The following SPACA7 variants were observed in gnomAD, a reference collection of about 807,000 sequenced individuals.
SPACA7 encodes sperm acrosome associated 7.
Under a neutral mutation model 26.3 loss-of-function variants are expected in SPACA7, and 19 were observed. The ratio of observed to expected loss-of-function variants is 0.72; its 90% CI spans 0.50 to 1.06. The LOEUF is 1.06. Among genes scored for constraint, SPACA7 ranks in the 50% least tolerant of loss-of-function variants. The probability of loss-of-function intolerance (pLI) is 0.00; values close to 1 mark genes in which losing one functional copy is unlikely to be tolerated. For synonymous variants in SPACA7, 84 were observed against 84.5 expected (o/e 0.99, Z 0.04); for missense variants, 211 against 229.9 (o/e 0.92, Z 0.53).
intron 1 of SPACA7, among the ~76,000 whole-genome samples, chr13:112,378,248 A>T (rs1013535780): frequency 1.3e-5 from 2 of 152,238 alleles, no homozygotes; most frequent in African/African-American, 4.8e-5. Context: ...TTACAGGTAG[A>T]TAACAAAGTA....
Position 112,398,035 on chromosome 13 carries a change from G to T in SPACA7, c.152-14G>T, listed in dbSNP as rs929729596. On this transcript the variant is annotated splice_polypyrimidine_tract_variant and intron_variant, in intron 2 of 6. Coordinates refer to ENST00000283550, the MANE Select transcript of SPACA7 (RefSeq NM_145248.5). Reference sequence around the variant, plus strand: ...AGGGCCGACTCTAACGTGATCTTGTGTGCTTCTCCCAAGATGAAATTCTGG... The same window carrying T: ...AGGGCCGACTCTAACGTGATCTTGTTTGCTTCTCCCAAGATGAAATTCTGG... The T allele has an allele frequency of 2.5e-6, 4 of 1,598,804 alleles. No individual in the cohort carries two copies. In the African/African-American group the frequency reaches 4.0e-5, roughly 16 times the overall value.
intron 5 of SPACA7, among the ~76,000 whole-genome samples, chr13:112,412,286 T>C (rs1886400607): frequency 6.6e-6 from 1 of 151,734 alleles, no homozygotes; most frequent in South Asian, 2.1e-4. Flanking sequence ...TAAATTAGTT[T>C]TTTTGTTTTT....
chr13:112,415,292 G>A (rs1886621236), intron 5 of SPACA7, among the ~76,000 whole-genome samples: 1 of 152,206 alleles, frequency 6.6e-6, no homozygotes, highest in Non-Finnish European at 1.5e-5. Flanking sequence ...CAGCTGCCCA[G>A]ACAAGCACAG....
At chr13:112,380,405 C>CA (rs5806946) in intron 1 of SPACA7, among the ~76,000 whole-genome samples, 6,112 of 73,592 alleles carry the variant, frequency 0.083, 639 homozygotes, top group African/African-American at 0.25. Flanking sequence ...AACTCAGTCT[C>CA]AAAAAAAAAA....
In SPACA7 at chr13:112,432,499, T is replaced by C; in HGVS notation, c.501T>C (p.Leu167=). 2 of 1,609,852 alleles carry C rather than the reference T, an allele frequency of 1.2e-6. No individual in the cohort carries two copies. The highest frequency in any genetic ancestry group is 1.7e-6 in the Non-Finnish European group (2 of 1,176,064). Residue 167 remains leucine, a synonymous_variant, in exon 6 of 7, where the codon CTT becomes CTC. Coordinates refer to ENST00000283550, the MANE Select transcript of SPACA7 (RefSeq NM_145248.5). ...YENLSILDQI[L]QNIGRSSGNI... ...ATCTATCCATTCTGGACCAAATCCT[T>C]CAAAATATTGGAAGATCTTCAGGTA...
At chr13:112,410,372 A>T (rs9577361) in intron 5 of SPACA7, among the ~76,000 whole-genome samples, 14,732 of 151,520 alleles carry the variant, frequency 0.097, 1,241 homozygotes, top group East Asian at 0.28. Context: ...CAATTAAAAA[A>T]ATATATATAT....
At chr13:112,401,250 C>A in intron 5 of SPACA7, 86 bp downstream of exon 5, 1 of 1,010,602 alleles carries the variant, frequency 9.9e-7, no homozygotes, top group Non-Finnish European at 1.5e-6. Flanking sequence ...CCAGCCTCGC[C>A]AGTATGCCTT....
At chr13:112,425,100 A>G (rs527669206) in intron 5 of SPACA7, among the ~76,000 whole-genome samples, 2 of 152,330 alleles carry the variant, frequency 1.3e-5, no homozygotes, top group African/African-American at 2.4e-5. Flanking sequence ...ACAAAGTCCT[A>G]GTGACCTTAC....
At chr13:112,382,347 C>G (rs1424160160) in intron 1 of SPACA7, 1 of 1,429,152 alleles carries the variant, frequency 7.0e-7, no homozygotes, top group Non-Finnish European at 9.3e-7. Flanking sequence ...GTCCGCCCGC[C>G]TCAGCCTCCC....
intron 5 of SPACA7, among the ~76,000 whole-genome samples, chr13:112,418,474 AAT>A (rs975547663): frequency 2.0e-5 from 3 of 152,242 alleles, no homozygotes; most frequent in Non-Finnish European, 4.4e-5. Flanking sequence ...GGAAAATGGA[AAT>A]ATGTCTGTGT....
At chr13:112,406,073 T>C (rs1283547317) in intron 5 of SPACA7, among the ~76,000 whole-genome samples, 1 of 152,212 alleles carries the variant, frequency 6.6e-6, no homozygotes, top group Non-Finnish European at 1.5e-5. Context: ...TTTTCTTCAA[T>C]TTTTAAAATT....
chr13:112,416,304 G>T (rs901773092), intron 5 of SPACA7, among the ~76,000 whole-genome samples: 2 of 151,628 alleles, frequency 1.3e-5, no homozygotes, highest in Admixed American at 1.3e-4. Flanking sequence ...TGTTGTTGTT[G>T]TTGTTACAGA....
At chr13:112,383,285 T>C (rs1319345070) in intron 1 of SPACA7, among the ~76,000 whole-genome samples, 1 of 152,106 alleles carries the variant, frequency 6.6e-6, no homozygotes, top group Non-Finnish European at 1.5e-5. Flanking sequence ...AAAGAATTTA[T>C]AATTTAGTCT....
chr13:112,396,790 C>T (rs1238103335), intron 2 of SPACA7, among the ~76,000 whole-genome samples: 2 of 152,136 alleles, frequency 1.3e-5, no homozygotes, highest in Non-Finnish European at 2.9e-5. Flanking sequence ...AGCTCTGGTC[C>T]GGCAGCTCCG....
intron 5 of SPACA7, among the ~76,000 whole-genome samples, chr13:112,427,346 T>C (rs1194327415): frequency 6.6e-6 from 1 of 152,212 alleles, no homozygotes; most frequent in Non-Finnish European, 1.5e-5. Flanking sequence ...CCTGCATCTG[T>C]TGGGATGGTC....
chr13:112,412,974 C>T (rs1459388528), intron 5 of SPACA7, among the ~76,000 whole-genome samples: 1 of 152,210 alleles, frequency 6.6e-6, no homozygotes, highest in Non-Finnish European at 1.5e-5. Flanking sequence ...AAAATCCCTA[C>T]ACTTTAACTC....
rs548281064 is a variant in SPACA7, at chr13:112,380,935, G to T, written c.94+4456G>T. Among the ~76,000 whole-genome samples the T allele has an allele frequency of 9.2e-5, 14 of 152,236 alleles. No individual in the cohort carries two copies. In the East Asian group the frequency reaches 2.5e-3, roughly 27 times the overall value. ...GCATTCTGTAACAAAGTAGCAAATT[G>T]TATGACTATACCATCTTACAATTTT... is the stretch of plus-strand genomic sequence containing the variant. On this transcript the variant is annotated intron_variant, in intron 1 of 6. Coordinates refer to ENST00000283550, the MANE Select transcript of SPACA7 (RefSeq NM_145248.5).
At chr13:112,404,977 TC>T (rs1325408665) in intron 5 of SPACA7, among the ~76,000 whole-genome samples, 5 of 136,610 alleles carry the variant, frequency 3.7e-5, no homozygotes, top group African/African-American at 1.4e-4. Flanking sequence ...TGTATTCTCT[TC>T]TTTTTTTTTT....
chr13:112,420,301 T>C (rs1231836347), intron 5 of SPACA7, among the ~76,000 whole-genome samples: 1 of 152,106 alleles, frequency 6.6e-6, no homozygotes, highest in African/African-American at 2.4e-5. Flanking sequence ...CAATGATAAC[T>C]ATGATTACTA....
Sources: gnomAD v4.1 joint callset for allele counts (sites outside exome capture counted in the v4.1 genomes callset) on GRCh38, gnomAD v4.1.1 for gene constraint, MANE v1.5 for transcripts, NCBI Gene and HGNC (gene_info 2026-07-23, HGNC 2026-07-21) for gene names.